Variants in SCLT1 observed in about 807,000 individuals in gnomAD.
SCLT1 encodes the protein sodium channel and clathrin linker 1.
SCLT1 carries 78 observed loss-of-function variants against 112.8 expected under a neutral mutation model. The observed-to-expected ratio is 0.69, with a 90% CI of 0.58 to 0.83. The LOEUF is 0.83. Among genes scored for constraint, SCLT1 ranks in the 40% least tolerant of loss-of-function variants. SCLT1 has a pLI of 0.00. For missense variants in SCLT1, 747 were observed against 770.4 expected (o/e 0.97, Z 0.36); for synonymous variants, 257 against 254.7 (o/e 1.01, Z -0.09).
downstream of SCLT1, among the ~76,000 whole-genome samples, chr4:128,881,451 T>C (rs1263868141): frequency 6.6e-6 from 1 of 152,218 alleles, no homozygotes; most frequent in Non-Finnish European, 1.5e-5. Flanking sequence ...GACTGAATTG[T>C]TGCTAATGTT....
chr4:128,947,590 C>T (rs193271444), intron 15 of SCLT1, among the ~76,000 whole-genome samples: 1 of 152,274 alleles, frequency 6.6e-6, no homozygotes, highest in African/African-American at 2.4e-5. Flanking sequence ...GTTACTTAAC[C>T]TCTCTATGAA....
rs182369977 is a variant in SCLT1, at chr4:128,969,388, C to T, written c.777+990G>A. Among the ~76,000 whole-genome samples, 885 of 152,004 alleles carry T rather than the reference C, an allele frequency of 5.8e-3. 8 individuals are homozygous for T. The highest frequency in any genetic ancestry group is 0.037 in the Middle Eastern group (11 of 294). ...GAAACTGAGATCATCCTGGCTAACA[C>T]GGTGAAACCCTGTCTCTACCAAAAA... is the stretch of plus-strand genomic sequence containing the variant. On this transcript the variant is annotated intron_variant, in intron 10 of 20. Coordinates refer to ENST00000281142, the MANE Select transcript of SCLT1 (RefSeq NM_144643.4).
intron 5 of SCLT1, among the ~76,000 whole-genome samples, chr4:129,004,717 T>A (rs1743840034): frequency 6.6e-6 from 1 of 151,928 alleles, no homozygotes; most frequent in Non-Finnish European, 1.5e-5. Context: ...TTTACTAATA[T>A]TACAAATCTC....
At chr4:129,039,298 A>G (rs1747464465) in intron 4 of SCLT1, 1 of 435,494 alleles carries the variant, frequency 2.3e-6, no homozygotes, top group Non-Finnish European at 4.1e-6. Context: ...TAAGTAGAAT[A>G]TAAATAAAAT....
At chr4:129,044,306 G>A (rs1395548840) in intron 2 of SCLT1, among the ~76,000 whole-genome samples, 1 of 151,972 alleles carries the variant, frequency 6.6e-6, no homozygotes, top group African/African-American at 2.4e-5. Context: ...ATATCTGCCA[G>A]AAATCTACAT....
chr4:128,938,938 C>T (rs978969902), intron 17 of SCLT1, among the ~76,000 whole-genome samples: 5 of 152,142 alleles, frequency 3.3e-5, no homozygotes, highest in African/African-American at 1.2e-4. Context: ...GCCAAGATCA[C>T]GCCATTGCAC....
chr4:128,899,287 C>G (rs1340477242), intron 18 of SCLT1, among the ~76,000 whole-genome samples: 4 of 152,138 alleles, frequency 2.6e-5, no homozygotes, highest in Admixed American at 1.3e-4. Context: ...AAAATACTGG[C>G]AAACCGAATC....
intron 11 of SCLT1, among the ~76,000 whole-genome samples, chr4:128,963,021 G>A (rs1023070549): frequency 6.6e-5 from 10 of 152,148 alleles, no homozygotes; most frequent in Non-Finnish European, 1.5e-5. Flanking sequence ...TTCTGATTAA[G>A]TAATGAATGA....
At chr4:128,912,533 C>T (rs1735179916) in intron 18 of SCLT1, among the ~76,000 whole-genome samples, 1 of 152,094 alleles carries the variant, frequency 6.6e-6, no homozygotes, top group Admixed American at 6.6e-5. Context: ...TTATTGATTT[C>T]ATGCATAATC....
intron 18 of SCLT1, among the ~76,000 whole-genome samples, chr4:128,926,104 G>T (rs1736276688): frequency 3.3e-5 from 5 of 151,438 alleles, no homozygotes; most frequent in Admixed American, 3.3e-4. Flanking sequence ...CTTTTTTTCT[G>T]GTTATGGGTA....
At chr4:129,026,618 C>A in intron 5 of SCLT1, among the ~76,000 whole-genome samples, 1 of 151,980 alleles carries the variant, frequency 6.6e-6, no homozygotes, top group Non-Finnish European at 1.5e-5. Flanking sequence ...AAAATTGACA[C>A]CCTAACATCA....
At chr4:128,915,906 G>T (rs1410574795) in intron 18 of SCLT1, among the ~76,000 whole-genome samples, 1 of 152,222 alleles carries the variant, frequency 6.6e-6, no homozygotes, top group African/African-American at 2.4e-5. Context: ...TGACAGTGAT[G>T]AATGCTAGGA....
At chr4:128,974,858 G>C (rs1214747996) in intron 9 of SCLT1, among the ~76,000 whole-genome samples, 6 of 151,724 alleles carry the variant, frequency 4.0e-5, no homozygotes, top group African/African-American at 1.5e-4. Flanking sequence ...AACACAACTA[G>C]TTAACTATTA....
chr4:128,970,987 T>C (rs1442845313), intron 9 of SCLT1: 2 of 152,200 alleles, frequency 1.3e-5, no homozygotes, highest in African/African-American at 4.8e-5. Flanking sequence ...ACAATGTTTA[T>C]TTTCTTCAGA....
chr4:129,043,531 G>A, intron 3 of SCLT1, 64 bp from the exon 4 acceptor site: 1 of 710,842 alleles, frequency 1.4e-6, no homozygotes, highest in South Asian at 2.0e-5. Context: ...TATATAACAA[G>A]TGAAATAAAT....
chr4:128,975,820 T>A, intron 9 of SCLT1, among the ~76,000 whole-genome samples: 1 of 152,158 alleles, frequency 6.6e-6, no homozygotes, highest in East Asian at 1.9e-4. Flanking sequence ...TTTAGGAAAC[T>A]GAGTAAGTAC....
chr4:129,069,978 T>C (rs1331459009), intron 2 of SCLT1, among the ~76,000 whole-genome samples: 1 of 152,184 alleles, frequency 6.6e-6, no homozygotes, highest in Non-Finnish European at 1.5e-5. Context: ...TGCCAGACTT[T>C]GTTGAATGCT....
At chr4:128,948,990 C>A (rs957688675) in intron 14 of SCLT1, among the ~76,000 whole-genome samples, 2 of 152,052 alleles carry the variant, frequency 1.3e-5, no homozygotes, top group Admixed American at 1.3e-4. Flanking sequence ...TAACTTTTTT[C>A]TTTACAAAAA....
At chr4:129,049,488 G>T in intron 2 of SCLT1, among the ~76,000 whole-genome samples, 1 of 108,866 alleles carries the variant, frequency 9.2e-6, no homozygotes, top group African/African-American at 3.4e-5. Flanking sequence ...GTGGGGTGGG[G>T]GGAGGGGGGA....
Sources: allele counts gnomAD v4.1 joint callset (sites outside exome capture counted in the v4.1 genomes callset), GRCh38; gene constraint gnomAD v4.1.1; transcripts MANE v1.5; gene names NCBI Gene and HGNC (gene_info 2026-07-23, HGNC 2026-07-21).